TNKS: variants seen among roughly 807,000 people sequenced by gnomAD.
TNKS encodes the protein tankyrase.
A neutral mutation model predicts 135.8 loss-of-function variants in TNKS; 72 were observed. The ratio of observed to expected loss-of-function variants is 0.53; its 90% CI spans 0.44 to 0.64. The LOEUF (loss-of-function observed/expected upper bound fraction) is 0.64, where lower values mean the gene tolerates loss of function less well. TNKS is among the 30% of genes least tolerant of loss of function. The pLI, the probability that TNKS is intolerant of heterozygous loss-of-function variation, is 0.00. For synonymous variants in TNKS, 849 were observed against 649.3 expected, an observed-to-expected ratio of 1.31 and a Z score of -4.68; for missense variants, 1,769 against 1,674.0, an observed-to-expected ratio of 1.06 and a Z score of -0.99.
At chr8:9,673,260 A>G (rs1181857927) in intron 3 of TNKS, among the ~76,000 whole-genome samples, 3 of 152,048 alleles carry the variant, frequency 2.0e-5, no homozygotes, top group Non-Finnish European at 4.4e-5. Context: ...CTTTTATTAT[A>G]TGAGTGTTAT....
At chr8:9,563,451 T>A (rs7004937) in intron 1 of TNKS, among the ~76,000 whole-genome samples, 63,493 of 151,848 alleles carry the variant, frequency 0.42, 13,745 homozygotes, top group East Asian at 0.6. Flanking sequence ...CTGTGAAAGT[T>A]TCCATAGACT....
intron 1 of TNKS, among the ~76,000 whole-genome samples, chr8:9,568,140 A>G (rs1797619822): frequency 6.6e-6 from 1 of 152,206 alleles, no homozygotes; most frequent in Admixed American, 6.5e-5. Flanking sequence ...CTCTGTCAGT[A>G]TGAAGCTCAG....
At chr8:9,764,464 G>A (rs1372804663) in intron 22 of TNKS, among the ~76,000 whole-genome samples, 1 of 152,076 alleles carries the variant, frequency 6.6e-6, no homozygotes, top group Non-Finnish European at 1.5e-5. Flanking sequence ...GACTTAATGT[G>A]TTTTTTAATA....
chr8:9,610,331 T>A (rs1002116558), intron 2 of TNKS, among the ~76,000 whole-genome samples: 1 of 151,378 alleles, frequency 6.6e-6, no homozygotes, highest in Non-Finnish European at 1.5e-5. Flanking sequence ...CGGTATAATA[T>A]ATACTGTAGC....
intron 3 of TNKS, among the ~76,000 whole-genome samples, chr8:9,642,732 TA>T: frequency 6.9e-6 from 1 of 145,900 alleles, no homozygotes; most frequent in East Asian, 2.1e-4. Context: ...TTAAAGTGAG[TA>T]ATTGGACGTT....
chr8:9,657,792 C>G (rs1451975314), intron 3 of TNKS, among the ~76,000 whole-genome samples: 1 of 150,136 alleles, frequency 6.7e-6, no homozygotes, highest in African/African-American at 2.5e-5. Context: ...ACCCCCCCAC[C>G]TCCCTCCCGG....
chr8:9,644,865 A>G (rs951204055), intron 3 of TNKS, among the ~76,000 whole-genome samples: 1 of 152,118 alleles, frequency 6.6e-6, no homozygotes, highest in African/African-American at 2.4e-5. Flanking sequence ...CATTTTTAGT[A>G]CAGTATTCAA....
chr8:9,590,417 T>C (rs1798547474), intron 2 of TNKS, among the ~76,000 whole-genome samples: 2 of 152,224 alleles, frequency 1.3e-5, no homozygotes, highest in South Asian at 2.1e-4. Flanking sequence ...GATTACTCTT[T>C]TATCATGTTT....
At chr8:9,629,694 GT>G (rs1343060424) in intron 3 of TNKS, among the ~76,000 whole-genome samples, 4 of 152,112 alleles carry the variant, frequency 2.6e-5, no homozygotes, top group African/African-American at 9.7e-5. Context: ...TTGCTTGTTT[GT>G]TTTTTGAGAC....
At chr8:9,696,541 A>T (rs956602706) in intron 5 of TNKS, among the ~76,000 whole-genome samples, 4 of 152,148 alleles carry the variant, frequency 2.6e-5, no homozygotes, top group African/African-American at 9.6e-5. Context: ...TATTCTAAGT[A>T]TAAAAAACCG....
intron 1 of TNKS, chr8:9,558,742 T>C (rs1002686177): frequency 6.6e-6 from 1 of 152,198 alleles, no homozygotes; most frequent in African/African-American, 2.4e-5. Context: ...GTTGTAGTTA[T>C]GACAAGCTAA....
At chr8:9,751,970 C>G in intron 19 of TNKS, 124 bp downstream of exon 19, 1 of 810,798 alleles carries the variant, frequency 1.2e-6, no homozygotes, top group East Asian at 2.5e-5. Flanking sequence ...TTTTCATACA[C>G]ACAACATCTT....
chr8:9,767,450 T>C (rs766338866), intron 25 of TNKS, among the ~76,000 whole-genome samples: 2 of 152,254 alleles, frequency 1.3e-5, no homozygotes, highest in Non-Finnish European at 2.9e-5. Flanking sequence ...AGATACTTTG[T>C]AATTTGGTTA....
chr8:9,620,002 T>G (rs375528848), intron 3 of TNKS, among the ~76,000 whole-genome samples: 1 of 151,706 alleles, frequency 6.6e-6, no homozygotes, highest in East Asian at 1.9e-4. Context: ...CAGGTTGGAG[T>G]GCAGTGGCGC....
intron 3 of TNKS, among the ~76,000 whole-genome samples, chr8:9,637,132 G>A (rs567090077): frequency 1.8e-4 from 28 of 152,210 alleles, no homozygotes; most frequent in African/African-American, 5.3e-4. Context: ...ATGAGTTATC[G>A]TTCTAGATAT....
At chr8:9,717,026 A>T (rs1257026740) in intron 11 of TNKS, among the ~76,000 whole-genome samples, 1 of 141,628 alleles carries the variant, frequency 7.1e-6, no homozygotes, top group Non-Finnish European at 1.5e-5. Flanking sequence ...GCACGTGAGC[A>T]AGATTAGTAC....
chr8:9,639,408 G>T (rs991931033), intron 3 of TNKS, among the ~76,000 whole-genome samples: 8 of 151,672 alleles, frequency 5.3e-5, no homozygotes, highest in African/African-American at 1.9e-4. Context: ...TTCTCTGTGG[G>T]CTAAAAAATG....
At chr8:9,603,162 C>T (rs1354184165) in intron 2 of TNKS, among the ~76,000 whole-genome samples, 2 of 152,094 alleles carry the variant, frequency 1.3e-5, no homozygotes. Flanking sequence ...AGGCCATTCT[C>T]CTGCCTCAGG....
intron 20 of TNKS, among the ~76,000 whole-genome samples, chr8:9,759,606 A>G (rs1585428229): frequency 6.6e-6 from 1 of 152,214 alleles, no homozygotes; most frequent in African/African-American, 2.4e-5. Flanking sequence ...CCTCTAGAAC[A>G]TTGTAGAGAA....
Sources: allele counts gnomAD v4.1 joint callset (sites outside exome capture counted in the v4.1 genomes callset), GRCh38; gene constraint gnomAD v4.1.1; transcripts MANE v1.5; gene names NCBI Gene and HGNC (gene_info 2026-07-23, HGNC 2026-07-21).